CDC42BPA: variants seen among roughly 807,000 people sequenced by gnomAD.
CDC42BPA encodes the protein CDC42 binding protein kinase alpha.
A neutral mutation model predicts 223.5 loss-of-function variants in CDC42BPA; 80 were observed. The ratio of observed to expected loss-of-function variants is 0.36; its 90% CI spans 0.30 to 0.43. CDC42BPA has a LOEUF of 0.43. CDC42BPA is among the 20% of genes least tolerant of loss of function. CDC42BPA has a pLI of 1.00. For synonymous variants in CDC42BPA, 694 were observed against 718.6 expected (o/e 0.97, Z 0.55); for missense variants, 1,743 against 2,099.9 (o/e 0.83, Z 3.32).
chr1:226,995,231 GC>G (rs1661383930), intron 35 of CDC42BPA, among the ~76,000 whole-genome samples: 2 of 152,188 alleles, frequency 1.3e-5, no homozygotes, highest in Admixed American at 1.3e-4. Flanking sequence ...TGTGCCATCT[GC>G]CCCAATGCCC....
intron 20 of CDC42BPA, 21 bp downstream of exon 20, chr1:227,072,187 G>A (rs1197015108): frequency 2.2e-6 from 3 of 1,374,994 alleles, no homozygotes; most frequent in Non-Finnish European, 3.1e-6. Context: ...TCCTGAGTGA[G>A]GCAAACACAC....
At chr1:227,291,161 G>A (rs1047146130) in intron 1 of CDC42BPA, among the ~76,000 whole-genome samples, 11 of 152,094 alleles carry the variant, frequency 7.2e-5, no homozygotes, top group African/African-American at 2.4e-4. Flanking sequence ...TGAAATAAGA[G>A]GGCTACAGGT....
chr1:227,249,942 TAA>T (rs1263317150), intron 2 of CDC42BPA, among the ~76,000 whole-genome samples: 5 of 152,276 alleles, frequency 3.3e-5, no homozygotes, highest in Admixed American at 2.6e-4. Flanking sequence ...CTGAAATAAC[TAA>T]AAGAGTACAA....
chr1:227,226,023 T>C (rs1204563555), intron 2 of CDC42BPA, among the ~76,000 whole-genome samples: 1 of 152,228 alleles, frequency 6.6e-6, no homozygotes, highest in African/African-American at 2.4e-5. Flanking sequence ...ACCCTCTCTC[T>C]TGATTCAAGA....
intron 13 of CDC42BPA, 96 bp from the exon 14 acceptor site, chr1:227,112,518 T>C (rs1157828690): frequency 6.8e-6 from 7 of 1,034,388 alleles, no homozygotes; most frequent in African/African-American, 1.6e-5. Context: ...AACAGGAAGA[T>C]AATTCAAATG....
At chr1:227,145,087 T>C (rs1458900409) in intron 8 of CDC42BPA, among the ~76,000 whole-genome samples, 1 of 151,744 alleles carries the variant, frequency 6.6e-6, no homozygotes, top group African/African-American at 2.4e-5. Context: ...AATTTATTTC[T>C]CTTCAATTGT....
chr1:227,032,531 A>G (rs1669473805), intron 27 of CDC42BPA, among the ~76,000 whole-genome samples: 3 of 152,102 alleles, frequency 2.0e-5, no homozygotes, highest in Non-Finnish European at 4.4e-5. Flanking sequence ...AAGTCCTCCT[A>G]AGGAATTCCA....
intron 2 of CDC42BPA, chr1:227,234,533 T>C (rs2813956): frequency 0.83 from 126,580 of 152,256 alleles, 52,765 homozygotes; most frequent in South Asian, 0.88. Context: ...AAACTGCTCA[T>C]CTATTGTGCA....
At chr1:227,256,180 G>A (rs1030758603) in intron 1 of CDC42BPA, among the ~76,000 whole-genome samples, 9 of 152,140 alleles carry the variant, frequency 5.9e-5, no homozygotes, top group Admixed American at 1.3e-4. Context: ...GGACATGGAT[G>A]AAGCTGGAAA....
chr1:227,138,585 T>C (rs1047955675), intron 10 of CDC42BPA, among the ~76,000 whole-genome samples: 5 of 145,648 alleles, frequency 3.4e-5, no homozygotes, highest in Non-Finnish European at 7.5e-5. Context: ...CAAATATTGC[T>C]GATAGGTTAA....
intron 33 of CDC42BPA, 134 bp from the exon 34 acceptor site, chr1:227,016,331 T>C: frequency 3.2e-6 from 2 of 632,778 alleles, no homozygotes; most frequent in South Asian, 3.6e-5. Flanking sequence ...AGTAACAGAA[T>C]ATACTCAATT....
chr1:227,306,206 G>A (rs918368504), intron 1 of CDC42BPA, among the ~76,000 whole-genome samples: 10 of 145,880 alleles, frequency 6.9e-5, no homozygotes, highest in Non-Finnish European at 1.2e-4. Flanking sequence ...GTATTTTCAA[G>A]TTAGAGGTAC....
intron 1 of CDC42BPA, among the ~76,000 whole-genome samples, chr1:227,303,077 G>C (rs555519100): frequency 6.7e-6 from 1 of 149,652 alleles, no homozygotes; most frequent in East Asian, 2.0e-4. Flanking sequence ...TCTTTGTTTG[G>C]GACTGTACCC....
intron 17 of CDC42BPA, among the ~76,000 whole-genome samples, chr1:227,077,272 ATATC>A (rs1314074833): frequency 6.6e-6 from 1 of 152,180 alleles, no homozygotes; most frequent in Non-Finnish European, 1.5e-5. Context: ...GATAGTAAAA[ATATC>A]TATCTCACAG....
Position 227,305,631 on chromosome 1 carries a change from C to T in CDC42BPA, c.178+11374G>A, listed in dbSNP as rs1034131195. Among the ~76,000 whole-genome samples the T allele has an allele frequency of 1.1e-4, 16 of 152,230 alleles. No homozygotes were observed. In the Middle Eastern group the frequency reaches 0.01, roughly 97 times the overall value. On this transcript the variant is annotated intron_variant, in intron 1 of 36. Coordinates refer to ENST00000366766, the MANE Select transcript of CDC42BPA (RefSeq NM_001394014.1). ...GGATTATGAAAATTATTTTCTTCAT[C>T]ACCATCATCAAATTTGACACCACTT...
intron 12 of CDC42BPA, among the ~76,000 whole-genome samples, chr1:227,114,614 C>T (rs1687486514): frequency 6.6e-6 from 1 of 151,952 alleles, no homozygotes; most frequent in Non-Finnish European, 1.5e-5. Flanking sequence ...AAAATACTGG[C>T]CAATAACAAC....
chr1:227,280,487 G>C (rs563063162), intron 1 of CDC42BPA, among the ~76,000 whole-genome samples: 1 of 152,318 alleles, frequency 6.6e-6, no homozygotes, highest in East Asian at 1.9e-4. Flanking sequence ...AAAATCCACA[G>C]AGTTCAGACT....
In CDC42BPA at chr1:227,199,540, A is replaced by C. The variant is rs766773741; in HGVS notation, c.450+17T>G. 2 of 1,377,350 alleles carry C rather than the reference A, an allele frequency of 1.5e-6. No individual in the cohort carries two copies. Among genetic ancestry groups the C allele is most frequent in the Non-Finnish European group, 2.1e-6 (2 of 970,266 alleles). The allele number at this position is 1,377,350 out of a possible 1,614,324, so 85.3% of individuals were successfully genotyped here. A position where few individuals can be genotyped will look rare whatever the true frequency, so the allele number is the denominator to read the frequency against. On this transcript the variant is annotated intron_variant, in intron 4 of 36. Transcript: ENST00000366766. The stretch of plus-strand genomic sequence containing the variant: ...CAACAAAAAAACAGTATATAGAAAT[A>C]CAAAAATGATTCTTACTAAGTTATT...
chr1:227,194,032 T>C, intron 4 of CDC42BPA, 98 bp from the exon 5 acceptor site: 1 of 693,090 alleles, frequency 1.4e-6, no homozygotes, highest in South Asian at 2.5e-5. Context: ...CAAATATTTA[T>C]GCAGTTAATT....
Sources: gnomAD v4.1 joint callset for allele counts (sites outside exome capture counted in the v4.1 genomes callset) on GRCh38, gnomAD v4.1.1 for gene constraint, MANE v1.5 for transcripts, NCBI Gene and HGNC (gene_info 2026-07-23, HGNC 2026-07-21) for gene names.